Variants in SAMD12 observed in about 807,000 individuals in gnomAD.
SAMD12 encodes the protein sterile alpha motif domain-containing protein 12.
Under a neutral mutation model 15.0 loss-of-function variants are expected in SAMD12, and 9 were observed. The ratio of observed to expected loss-of-function variants is 0.60; its 90% CI spans 0.36 to 1.05. The LOEUF (loss-of-function observed/expected upper bound fraction) is 1.05, where lower values mean the gene tolerates loss of function less well. SAMD12 is among the 50% of genes least tolerant of loss of function. SAMD12 has a pLI of 0.01. For synonymous variants in SAMD12, 86 were observed against 90.1 expected (o/e 0.96, Z 0.25); for missense variants, 230 against 234.2 (o/e 0.98, Z 0.12).
In SAMD12 at chr8:118,247,195, A is replaced by T. The variant is rs541366037; in HGVS notation, c.434-49463T>A. ...TTGCATGATCTCACTTATATGTGAAATCTAAAAAAGTTGAACTCATAGAAG... is the reference window on the plus strand; with the variant it reads ...TTGCATGATCTCACTTATATGTGAATTCTAAAAAAGTTGAACTCATAGAAG... On this transcript the variant is annotated intron_variant, in intron 4 of 4. Transcript: ENST00000409003. Among the ~76,000 whole-genome samples the T allele has an allele frequency of 2.1e-3, 319 of 152,210 alleles. 1 individual carries two copies. Among genetic ancestry groups the T allele is most frequent in the African/African-American group, 7.6e-3 (314 of 41,538 alleles).
At chr8:118,585,000 T>G (rs1212625073) in intron 1 of SAMD12, among the ~76,000 whole-genome samples, 3 of 152,076 alleles carry the variant, frequency 2.0e-5, no homozygotes, top group Non-Finnish European at 4.4e-5. Flanking sequence ...GATATTTGTA[T>G]GCTCATGTAC....
At chr8:118,229,762 C>A (rs1563705984) in intron 4 of SAMD12, among the ~76,000 whole-genome samples, 2 of 152,148 alleles carry the variant, frequency 1.3e-5, no homozygotes, top group South Asian at 2.1e-4. Flanking sequence ...TCATTACAGA[C>A]ACTGTCACAT....
intron 3 of SAMD12, among the ~76,000 whole-genome samples, chr8:118,417,684 A>C (rs1031451941): frequency 6.6e-6 from 1 of 152,208 alleles, no homozygotes; most frequent in African/African-American, 2.4e-5. Context: ...ATCCCCTAAA[A>C]ATTAAAGATC....
At chr8:118,366,781 C>T (rs1269853374) in intron 4 of SAMD12, among the ~76,000 whole-genome samples, 6 of 147,650 alleles carry the variant, frequency 4.1e-5, no homozygotes, top group Non-Finnish European at 7.4e-5. Context: ...CATTGCACTC[C>T]AGCCTGGGCA....
intron 4 of SAMD12, among the ~76,000 whole-genome samples, chr8:118,267,501 A>AC (rs1487756599): frequency 3.3e-5 from 5 of 152,138 alleles, no homozygotes; most frequent in African/African-American, 1.2e-4. Flanking sequence ...TGAAGGCATC[A>AC]CCTCAATAGC....
At chr8:118,463,328 G>A (rs73710217) in intron 2 of SAMD12, among the ~76,000 whole-genome samples, 1 of 152,126 alleles carries the variant, frequency 6.6e-6, no homozygotes, top group Non-Finnish European at 1.5e-5. Flanking sequence ...ATGGTAAGAC[G>A]CCATGACTCA....
chr8:118,281,076 A>T (rs189081332), intron 4 of SAMD12, among the ~76,000 whole-genome samples: 1 of 150,350 alleles, frequency 6.7e-6, no homozygotes, highest in African/African-American at 2.4e-5. Flanking sequence ...AGCTAGTTGT[A>T]CTAGCAAGGA....
chr8:118,278,254 A>G (rs1316211551), intron 4 of SAMD12, among the ~76,000 whole-genome samples: 1 of 152,224 alleles, frequency 6.6e-6, no homozygotes, highest in Non-Finnish European at 1.5e-5. Flanking sequence ...TATTTATGCA[A>G]GAGCCCATGT....
intron 2 of SAMD12, among the ~76,000 whole-genome samples, chr8:118,502,635 T>C (rs1161299527): frequency 1.3e-5 from 2 of 152,188 alleles, no homozygotes; most frequent in South Asian, 2.1e-4. Context: ...TTTCAATGAA[T>C]AAAAATGTAA....
intron 2 of SAMD12, among the ~76,000 whole-genome samples, chr8:118,496,813 G>A (rs763261163): frequency 9.2e-5 from 14 of 151,640 alleles, no homozygotes; most frequent in Non-Finnish European, 2.1e-4. Context: ...TGCAAACTAC[G>A]CATCTGACAG....
At chr8:118,388,997 G>C (rs969660066) in intron 3 of SAMD12, among the ~76,000 whole-genome samples, 5 of 152,162 alleles carry the variant, frequency 3.3e-5, no homozygotes, top group Admixed American at 2.0e-4. Flanking sequence ...TCAATATGTG[G>C]CAGTGGACAG....
At chr8:118,160,825 G>A in the SAMD12 span, among the ~76,000 whole-genome samples, 1 of 152,078 alleles carries the variant, frequency 6.6e-6, no homozygotes, top group Non-Finnish European at 1.5e-5. Context: ...AAGTTTTAGG[G>A]TACATGTGCA....
chr8:118,455,097 C>T (rs1823206463), intron 2 of SAMD12, among the ~76,000 whole-genome samples: 1 of 152,326 alleles, frequency 6.6e-6, no homozygotes, highest in South Asian at 2.1e-4. Flanking sequence ...TGGCTTCCTT[C>T]CTCATCCTCC....
intron 4 of SAMD12, among the ~76,000 whole-genome samples, chr8:118,324,965 C>T (rs980138483): frequency 4.6e-5 from 7 of 152,174 alleles, no homozygotes; most frequent in Non-Finnish European, 7.3e-5. Flanking sequence ...CTACACCATG[C>T]TATGCAGTTG....
chr8:118,174,170 T>C, the SAMD12 span, among the ~76,000 whole-genome samples: 3 of 152,190 alleles, frequency 2.0e-5, no homozygotes, highest in Non-Finnish European at 4.4e-5. Context: ...TCCTGTGGGA[T>C]TGATCTGAGG....
chr8:118,425,932 T>C (rs912765508), intron 3 of SAMD12, among the ~76,000 whole-genome samples: 1 of 152,206 alleles, frequency 6.6e-6, no homozygotes, highest in African/African-American at 2.4e-5. Flanking sequence ...CCCACAGCCA[T>C]GTCACTGAGC....
intron 3 of SAMD12, among the ~76,000 whole-genome samples, chr8:118,404,698 C>G (rs976585493): frequency 2.0e-5 from 3 of 152,106 alleles, no homozygotes; most frequent in African/African-American, 7.2e-5. Context: ...TAGTGTGAGG[C>G]CTGGGAAAAT....
At chr8:118,183,668 CTAT>C in the SAMD12 span, among the ~76,000 whole-genome samples, 1 of 152,160 alleles carries the variant, frequency 6.6e-6, no homozygotes, top group Admixed American at 6.5e-5. Context: ...TAATATCTTA[CTAT>C]TATTATTATT....
At chr8:118,503,588 C>A (rs944780803) in intron 2 of SAMD12, among the ~76,000 whole-genome samples, 1 of 152,190 alleles carries the variant, frequency 6.6e-6, no homozygotes, top group Non-Finnish European at 1.5e-5. Context: ...TTCAGGATTA[C>A]GCTGCCTTTC....
Sources: allele counts gnomAD v4.1 joint callset (sites outside exome capture counted in the v4.1 genomes callset), GRCh38; gene constraint gnomAD v4.1.1; transcripts MANE v1.5; gene names NCBI Gene and HGNC (gene_info 2026-07-23, HGNC 2026-07-21).